AGBL1: variants seen among roughly 807,000 people sequenced by gnomAD.
The protein encoded by AGBL1 is AGBL carboxypeptidase 1.
AGBL1 carries 130 observed loss-of-function variants against 118.9 expected under a neutral mutation model. That is an observed-to-expected ratio of 1.09 (90% CI 0.95 to 1.26). The LOEUF (loss-of-function observed/expected upper bound fraction) is 1.26. Ranked by LOEUF, AGBL1 falls within the 50% of genes most tolerant of loss-of-function variation. The pLI is 0.00. For synonymous variants in AGBL1, 555 were observed against 478.9 expected, an observed-to-expected ratio of 1.16 and a Z score of -2.08; for missense variants, 1,584 against 1,298.1, an observed-to-expected ratio of 1.22 and a Z score of -3.38.
At chr15:86,796,583 A>T (rs1016569760) in intron 22 of AGBL1, among the ~76,000 whole-genome samples, 10 of 152,242 alleles carry the variant, frequency 6.6e-5, no homozygotes, top group Admixed American at 1.3e-4. Context: ...ATTCTTGCTC[A>T]TACCAGTTAG....
chr15:86,686,382 G>A (rs1304040987), intron 22 of AGBL1, among the ~76,000 whole-genome samples: 1 of 151,706 alleles, frequency 6.6e-6, no homozygotes, highest in Non-Finnish European at 1.5e-5. Flanking sequence ...AGAAAAATAG[G>A]AGTTAATGGC....
intron 21 of AGBL1, among the ~76,000 whole-genome samples, chr15:86,577,107 A>G (rs1335681008): frequency 1.3e-5 from 2 of 152,310 alleles, no homozygotes; most frequent in African/African-American, 4.8e-5. Context: ...AGACAGGAAA[A>G]TGTGGGAAAC....
intron 21 of AGBL1, among the ~76,000 whole-genome samples, chr15:86,585,971 T>C (rs2084241863): frequency 6.6e-6 from 1 of 152,214 alleles, no homozygotes; most frequent in Admixed American, 6.5e-5. Flanking sequence ...TTCCACTGCT[T>C]TCACTATGAC....
intron 22 of AGBL1, among the ~76,000 whole-genome samples, chr15:86,816,849 T>G (rs944565987): frequency 6.6e-6 from 1 of 152,044 alleles, no homozygotes; most frequent in African/African-American, 2.4e-5. Context: ...CAGTTTTTTA[T>G]CTAAATATTT....
At chr15:86,763,830 T>C (rs1042754696) in intron 22 of AGBL1, among the ~76,000 whole-genome samples, 1 of 152,060 alleles carries the variant, frequency 6.6e-6, no homozygotes, top group Non-Finnish European at 1.5e-5. Flanking sequence ...TGCATGATTT[T>C]CCACCTATCT....
At chr15:86,813,209 G>T (rs1281495293) in intron 22 of AGBL1, among the ~76,000 whole-genome samples, 3 of 151,624 alleles carry the variant, frequency 2.0e-5, no homozygotes, top group Non-Finnish European at 1.5e-5. Flanking sequence ...GGGTTGGGGG[G>T]GCCTCAGGGG....
chr15:86,228,004 T>C (rs2078394553), intron 6 of AGBL1, among the ~76,000 whole-genome samples: 1 of 152,172 alleles, frequency 6.6e-6, no homozygotes, highest in South Asian at 2.1e-4. Context: ...TGGGGAGAAG[T>C]AATAACAGCA....
intron 21 of AGBL1, among the ~76,000 whole-genome samples, chr15:86,594,498 A>G (rs1293960600): frequency 6.6e-6 from 1 of 152,202 alleles, no homozygotes; most frequent in Non-Finnish European, 1.5e-5. Flanking sequence ...TGAAATATTT[A>G]CTAGAATTCA....
chr15:86,162,839 C>T (rs530235660), intron 5 of AGBL1, among the ~76,000 whole-genome samples: 84 of 152,306 alleles, frequency 5.5e-4, no homozygotes, highest in African/African-American at 1.9e-3. Flanking sequence ...CAGGTCTCTC[C>T]CTTCCTCTGG....
chr15:86,180,672 G>C (rs1161599156), intron 5 of AGBL1, among the ~76,000 whole-genome samples: 1 of 151,930 alleles, frequency 6.6e-6, no homozygotes, highest in Non-Finnish European at 1.5e-5. Flanking sequence ...TTGATAAACT[G>C]TACTTTATCA....
intron 23 of AGBL1, among the ~76,000 whole-genome samples, chr15:86,982,342 A>G (rs1345482310): frequency 6.6e-6 from 1 of 152,070 alleles, no homozygotes; most frequent in African/African-American, 2.4e-5. Context: ...ACTCTTTTAT[A>G]GTATACATTG....
chr15:86,442,801 T>C (rs542828989), intron 18 of AGBL1, among the ~76,000 whole-genome samples: 5 of 152,238 alleles, frequency 3.3e-5, no homozygotes, highest in African/African-American at 1.2e-4. Context: ...AGGGCTGAAG[T>C]GTTTTGGGGA....
chr15:86,597,092 T>C (rs1030979068), intron 21 of AGBL1, among the ~76,000 whole-genome samples: 2 of 152,054 alleles, frequency 1.3e-5, no homozygotes, highest in Non-Finnish European at 2.9e-5. Flanking sequence ...CATATATCCA[T>C]GATAGATTGA....
chr15:86,966,505 G>A (rs568038327), intron 23 of AGBL1, among the ~76,000 whole-genome samples: 1 of 152,146 alleles, frequency 6.6e-6, no homozygotes, highest in South Asian at 2.1e-4. Flanking sequence ...GCCCTAGTGT[G>A]TGATGTTCCC....
chr15:86,428,938 T>C (rs1324329225), intron 18 of AGBL1, among the ~76,000 whole-genome samples: 1 of 152,264 alleles, frequency 6.6e-6, no homozygotes, highest in African/African-American at 2.4e-5. Flanking sequence ...TTCCATGGTG[T>C]GTCCCTGACG....
chr15:86,431,368 A>G (rs1282471360), intron 18 of AGBL1, among the ~76,000 whole-genome samples: 1 of 152,224 alleles, frequency 6.6e-6, no homozygotes, highest in Non-Finnish European at 1.5e-5. Flanking sequence ...TCTTTAACCT[A>G]TACACGTGGA....
At chr15:86,926,027 G>A (rs1413528479) in intron 23 of AGBL1, among the ~76,000 whole-genome samples, 1 of 152,112 alleles carries the variant, frequency 6.6e-6, no homozygotes, top group Non-Finnish European at 1.5e-5. Flanking sequence ...GGAGAGTCTG[G>A]ATCAGGGAAA....
intron 23 of AGBL1, among the ~76,000 whole-genome samples, chr15:86,927,310 C>T (rs1485364049): frequency 6.6e-6 from 1 of 151,916 alleles, no homozygotes; most frequent in Non-Finnish European, 1.5e-5. Flanking sequence ...TATTTTAGGC[C>T]AGGTGTGGTG....
intron 24 of AGBL1, among the ~76,000 whole-genome samples, chr15:87,025,552 A>G (rs2081718345): frequency 6.6e-6 from 1 of 152,102 alleles, no homozygotes; most frequent in Admixed American, 6.6e-5. Flanking sequence ...TAGAATCAAT[A>G]TTGTGAAAAT....
Sources: allele counts gnomAD v4.1 joint callset (sites outside exome capture counted in the v4.1 genomes callset), GRCh38; gene constraint gnomAD v4.1.1; transcripts MANE v1.5; gene names NCBI Gene and HGNC (gene_info 2026-07-23, HGNC 2026-07-21).